The following ZNF69 variants were observed in gnomAD, a reference collection of about 807,000 sequenced individuals.
The protein encoded by ZNF69 is ZNF3.
Under a neutral mutation model 50.9 loss-of-function variants are expected in ZNF69, and 47 were observed. The observed-to-expected ratio is 0.92, with a 90% confidence interval of 0.73 to 1.18. The LOEUF is 1.18. ZNF69 is among the 50% of genes most tolerant of loss of function. The pLI, the probability that ZNF69 is intolerant of heterozygous loss-of-function variation, is 0.00. For synonymous variants in ZNF69, 216 were observed against 223.1 expected (o/e 0.97, Z 0.29); for missense variants, 717 against 675.1 (o/e 1.06, Z -0.69).
the ZNF69 span, among the ~76,000 whole-genome samples, chr19:11,926,134 A>T: frequency 6.6e-6 from 1 of 152,126 alleles, no homozygotes; most frequent in East Asian, 1.9e-4. Flanking sequence ...CAGAAAACAG[A>T]CCTGTTTCTC....
the ZNF69 span, among the ~76,000 whole-genome samples, chr19:11,933,749 G>A: frequency 1.9e-4 from 27 of 145,178 alleles, 1 homozygote; most frequent in Non-Finnish European, 7.4e-5. Context: ...AAAAAATTTT[G>A]TTTTTGAATG....
downstream of ZNF69, among the ~76,000 whole-genome samples, chr19:11,911,072 A>G (rs1346193988): frequency 2.0e-5 from 3 of 152,192 alleles, no homozygotes; most frequent in South Asian, 6.2e-4. Flanking sequence ...ACATGAAAAA[A>G]TGCTCACCAT....
the ZNF69 span, among the ~76,000 whole-genome samples, chr19:11,935,928 G>T: frequency 6.6e-6 from 1 of 152,124 alleles, no homozygotes; most frequent in Non-Finnish European, 1.5e-5. Context: ...TCATTGTTCA[G>T]TTCCCACCTA....
the ZNF69 span, chr19:11,979,158 A>G: frequency 2.3e-5 from 37 of 1,612,160 alleles, no homozygotes; most frequent in Non-Finnish European, 3.1e-5. Context: ...CATTTCGAAG[A>G]CATGAAAAAA....
rs530981238 is a variant in ZNF69, at chr19:11,904,911, G to A, written c.514G>A (p.Ala172Thr). The A allele has an allele frequency of 3.1e-5, 50 of 1,614,166 alleles. No homozygotes were observed. Among genetic ancestry groups the A allele is most frequent in the Admixed American group, 5.0e-5 (3 of 60,024 alleles). The change falls in exon 4 of 4, where the codon GCC becomes ACC. Residue 172 changes from alanine (A) to threonine (T), a missense_variant. By Grantham distance (58) the Ala-to-Thr change is moderately conservative (BLOSUM62 0). Coordinates refer to ENST00000429654, the MANE Select transcript of ZNF69 (RefSeq NM_001364730.1). Reference sequence around the variant, plus strand: ...ATGTAAGTGTCAACAACCTAAAAAAGCCTTCAGATATCACCCCTCCTTTAG... The same window carrying A: ...ATGTAAGTGTCAACAACCTAAAAAAACCTTCAGATATCACCCCTCCTTTAG... The part of the protein sequence containing the change: ...KPCKCQQPKK[A>T]FRYHPSFRTP...
At chr19:11,956,901 G>A in the ZNF69 span, among the ~76,000 whole-genome samples, 6 of 151,992 alleles carry the variant, frequency 3.9e-5, no homozygotes, top group African/African-American at 1.5e-4. Context: ...TCCCACTGCA[G>A]GTGTTTTCAG....
At chr19:11,923,572 C>T in the ZNF69 span, among the ~76,000 whole-genome samples, 2 of 152,202 alleles carry the variant, frequency 1.3e-5, no homozygotes, top group Non-Finnish European at 2.9e-5. Context: ...TCCACCCTCT[C>T]TCCCACCAGC....
At chr19:11,898,237 A>T (rs1946156915) in intron 1 of ZNF69, among the ~76,000 whole-genome samples, 1 of 152,154 alleles carries the variant, frequency 6.6e-6, no homozygotes, top group African/African-American at 2.4e-5. Flanking sequence ...ATTTTAACTC[A>T]GTTATGAACC....
At chr19:11,967,432 T>C in the ZNF69 span, among the ~76,000 whole-genome samples, 1 of 150,682 alleles carries the variant, frequency 6.6e-6, no homozygotes. Context: ...TGAGACGGAG[T>C]CTCGCTCTGT....
intron 4 of ZNF69, chr19:11,913,286 G>C (rs1972484326): frequency 4.3e-6 from 2 of 468,542 alleles, no homozygotes; most frequent in Non-Finnish European, 7.8e-6. Flanking sequence ...GACATTGTGA[G>C]TCAGTATAAC....
chr19:11,911,211 T>G (rs970133219), downstream of ZNF69, among the ~76,000 whole-genome samples: 1 of 152,190 alleles, frequency 6.6e-6, no homozygotes, highest in Non-Finnish European at 1.5e-5. Flanking sequence ...AGGAACACTT[T>G]TACACTGTTG....
the ZNF69 span, chr19:11,977,021 C>T: frequency 1.2e-6 from 2 of 1,614,062 alleles, no homozygotes; most frequent in Non-Finnish European, 1.7e-6. Context: ...CTCCTCTACA[C>T]ATGTGAGATG....
chr19:11,925,213 G>A, the ZNF69 span: 6 of 1,612,524 alleles, frequency 3.7e-6, no homozygotes, highest in Non-Finnish European at 5.1e-6. Context: ...CCTGCGCTAT[G>A]CCCTGCTGTA....
chr19:11,965,153 C>A, the ZNF69 span: 1 of 1,612,980 alleles, frequency 6.2e-7, no homozygotes. Context: ...TGCGCTGTGC[C>A]CTTCTGTAGT....
Position 11,887,870 on chromosome 19 carries a change from C to T in ZNF69, c.-54C>T. The T allele has an allele frequency of 6.4e-7, 1 of 1,556,100 alleles. No individual in the cohort carries two copies. The highest frequency in any genetic ancestry group is 8.8e-7 in the Non-Finnish European group (1 of 1,133,378). ...CGGCTGGGATCCGGTCTTTCCAGCC[C>T]CGAGAGGGACCTGGTTCCTCTGCCC... On this transcript the variant is annotated 5_prime_UTR_variant, in exon 1 of 4. Transcript: ENST00000429654.
the ZNF69 span, among the ~76,000 whole-genome samples, chr19:11,959,554 G>C: frequency 1.3e-4 from 20 of 152,322 alleles, 1 homozygote; most frequent in South Asian, 4.1e-3. Context: ...ATTATGCTGA[G>C]AGGGTGTGTT....
Position 11,905,318 on chromosome 19 carries a change from G to A in ZNF69, c.921G>A (p.Lys307=). 1 of 1,614,082 alleles carries A rather than the reference G, an allele frequency of 6.2e-7. No individual in the cohort carries two copies. Among genetic ancestry groups the A allele is most frequent in the Non-Finnish European group, 8.5e-7 (1 of 1,180,020 alleles). The change falls in exon 4 of 4, where the codon AAG becomes AAA. Residue 307 remains lysine (K), a synonymous_variant. Coordinates refer to ENST00000429654, the MANE Select transcript of ZNF69 (RefSeq NM_001364730.1). ...IHTGEKAYQC[K]ECGKAFTCPQ... The stretch of plus-strand genomic sequence containing the variant: ...CGGGAGAGAAGGCTTATCAATGTAA[G>A]GAATGTGGAAAAGCATTCACGTGTC...
chr19:11,915,493 CCCAAAGAGGACACTGGAGCACA>C (rs1225449149), downstream of ZNF69, among the ~76,000 whole-genome samples: 1 of 152,146 alleles, frequency 6.6e-6, no homozygotes, highest in Non-Finnish European at 1.5e-5. Flanking sequence ...CAAGGAGCAC[CCCAAAGAGGACACTGGAGCACA>C]GGCCCAAAGG....
the ZNF69 span, chr19:11,948,294 A>G: frequency 1.2e-6 from 2 of 1,613,252 alleles, no homozygotes; most frequent in Non-Finnish European, 1.7e-6. Context: ...TAGAAGAGAA[A>G]GTCAATGAAA....
Sources: gnomAD v4.1 joint callset for allele counts (sites outside exome capture counted in the v4.1 genomes callset) on GRCh38, gnomAD v4.1.1 for gene constraint, MANE v1.5 for transcripts, NCBI Gene and HGNC (gene_info 2026-07-23, HGNC 2026-07-21) for gene names.